LAMA2: variants seen among roughly 807,000 people sequenced by gnomAD.
LAMA2 encodes the protein laminin subunit alpha-2.
LAMA2 carries 269 observed loss-of-function variants against 364.8 expected under a neutral mutation model. The observed-to-expected ratio is 0.74, with a 90% CI of 0.67 to 0.82. The LOEUF (loss-of-function observed/expected upper bound fraction) is 0.82. Among genes scored for constraint, LAMA2 ranks in the 40% least tolerant of loss-of-function variants. The pLI is 0.00. For missense variants in LAMA2, 3,807 were observed against 3,873.2 expected (o/e 0.98, Z 0.45); for synonymous variants, 1,379 against 1,370.6 (o/e 1.01, Z -0.14).
chr6:128,987,388 G>A lies in LAMA2; in HGVS notation c.113-62530G>A, dbSNP rs541825607. 3.9e-5 allele frequency among the ~76,000 whole-genome samples: 6 copies of A among 151,990 alleles called. No individual in the cohort carries two copies. In the South Asian group the frequency reaches 6.2e-4, roughly 16 times the overall value. On this transcript the variant is annotated intron_variant, in intron 1 of 64. Coordinates refer to ENST00000421865, the MANE Select transcript of LAMA2 (RefSeq NM_000426.4). ...AAAGTCCTGACCTTGGGATCCAACCGCCTCGGCCTCCCAAACTGCTGGGAT... is the reference window on the plus strand; with the variant it reads ...AAAGTCCTGACCTTGGGATCCAACCACCTCGGCCTCCCAAACTGCTGGGAT...
chr6:128,887,547 T>C lies in LAMA2; in HGVS notation c.112+4190T>C, dbSNP rs572879494. Among the ~76,000 whole-genome samples, 16 of 152,232 alleles carry C rather than the reference T, an allele frequency of 1.1e-4. 1 individual carries two copies. In the South Asian group the frequency reaches 2.9e-3, roughly 28 times the overall value. ...AAGATTTTTCTACCCTAGGATTTCA[T>C]GCAAACTAATGAACTGAATCTATAT... On this transcript the variant is annotated intron_variant, in intron 1 of 64. Coordinates refer to ENST00000421865, the MANE Select transcript of LAMA2 (RefSeq NM_000426.4).
At chr6:129,248,785 A>G (rs1474862097) in intron 12 of LAMA2, among the ~76,000 whole-genome samples, 1 of 152,152 alleles carries the variant, frequency 6.6e-6, no homozygotes, top group African/African-American at 2.4e-5. Flanking sequence ...TGTGTAGCTG[A>G]TCTGAAGAAG....
intron 3 of LAMA2, among the ~76,000 whole-genome samples, chr6:129,073,233 G>A (rs185531508): frequency 9.9e-5 from 15 of 151,978 alleles, no homozygotes; most frequent in Admixed American, 7.9e-4. Context: ...TGAAGTAAGC[G>A]GAAAGTCTTA....
intron 1 of LAMA2, among the ~76,000 whole-genome samples, chr6:128,897,433 GA>G (rs1346832128): frequency 6.6e-6 from 1 of 152,104 alleles, no homozygotes; most frequent in Non-Finnish European, 1.5e-5. Context: ...AGCACTCCTA[GA>G]ATTGTTAACT....
chr6:129,133,857 G>C (rs78886700), intron 4 of LAMA2, among the ~76,000 whole-genome samples: 5,876 of 151,826 alleles, frequency 0.039, 387 homozygotes, highest in African/African-American at 0.13. Context: ...CACACACACA[G>C]AGACAATTCA....
intron 55 of LAMA2, among the ~76,000 whole-genome samples, chr6:129,485,742 A>G (rs1359488312): frequency 6.6e-6 from 1 of 152,162 alleles, no homozygotes. Context: ...AATTATTGGA[A>G]CATGATGATG....
chr6:128,926,608 T>C (rs2114502839), intron 1 of LAMA2, among the ~76,000 whole-genome samples: 1 of 152,328 alleles, frequency 6.6e-6, no homozygotes, highest in East Asian at 1.9e-4. Context: ...CACAGCTAAC[T>C]ATTATTTAAT....
chr6:129,194,453 T>C (rs1023867274), intron 12 of LAMA2, among the ~76,000 whole-genome samples: 5 of 152,140 alleles, frequency 3.3e-5, no homozygotes, highest in Admixed American at 3.3e-4. Flanking sequence ...AACAAAGAAT[T>C]TGGACATCCC....
At chr6:129,125,573 A>T (rs1481019025) in intron 4 of LAMA2, among the ~76,000 whole-genome samples, 1 of 152,176 alleles carries the variant, frequency 6.6e-6, no homozygotes, top group East Asian at 1.9e-4. Flanking sequence ...TCTTTGTTGG[A>T]TGTGAAAATA....
intron 22 of LAMA2, among the ~76,000 whole-genome samples, chr6:129,308,754 A>G (rs761910822): frequency 2.0e-5 from 3 of 152,206 alleles, no homozygotes; most frequent in Non-Finnish European, 4.4e-5. Context: ...TGGAGGGTGT[A>G]CAGGAAGCAT....
chr6:129,494,865 C>T (rs1785074915), intron 58 of LAMA2, among the ~76,000 whole-genome samples: 1 of 152,172 alleles, frequency 6.6e-6, no homozygotes, highest in African/African-American at 2.4e-5. Context: ...GTTTCTCAGA[C>T]TCATAAACAT....
chr6:129,121,995 T>C (rs1776828703), intron 4 of LAMA2, among the ~76,000 whole-genome samples: 1 of 152,200 alleles, frequency 6.6e-6, no homozygotes, highest in African/African-American at 2.4e-5. Flanking sequence ...ATGATGCCTA[T>C]TGCAAAATTA....
Position 129,473,241 on chromosome 6 carries a change from C to T in LAMA2, c.7328C>T (p.Thr2443Ile), listed in dbSNP as rs1783900380. Reference sequence around the variant, plus strand: ...AATATATCAATTGTAGATATAGATACTAATCAGGAGGAGAATATAGCAACT... The same window carrying T: ...AATATATCAATTGTAGATATAGATATTAATCAGGAGGAGAATATAGCAACT... ...QANISIVDID[T>I]NQEENIATSS... Residue 2443 changes from threonine to isoleucine, a missense_variant, in exon 52 of 65, where the codon ACT (threonine) becomes ATT (isoleucine). By Grantham distance (89) the Thr-to-Ile change is moderately conservative. Transcript: ENST00000421865. 2 of 1,602,802 alleles carry T rather than the reference C, an allele frequency of 1.2e-6. No individual in the cohort carries two copies.
intron 4 of LAMA2, among the ~76,000 whole-genome samples, chr6:129,103,876 A>T (rs1775669379): frequency 6.6e-6 from 1 of 152,138 alleles, no homozygotes; most frequent in Non-Finnish European, 1.5e-5. Flanking sequence ...CAGTATCTAA[A>T]TATTTACTGT....
At chr6:129,192,228 A>T (rs1358882272) in intron 11 of LAMA2, among the ~76,000 whole-genome samples, 1 of 152,374 alleles carries the variant, frequency 6.6e-6, no homozygotes, top group South Asian at 2.1e-4. Flanking sequence ...CCTCTGCATT[A>T]CAAATACATA....
In LAMA2 at chr6:129,402,613, T is replaced by C. The variant is rs1780045847; in HGVS notation, c.5726+126T>C. 9 of 951,364 alleles carry C rather than the reference T, an allele frequency of 9.5e-6. No homozygotes were observed. In the South Asian group the frequency reaches 1.1e-4, roughly 12 times the overall value. 58.9% of individuals were successfully genotyped at this position (951,364 alleles called of 1,614,324 possible). A position where few individuals can be genotyped will look rare whatever the true frequency, so the allele number is the denominator to read the frequency against. The stretch of plus-strand genomic sequence containing the variant: ...GTTAATTATGAACACACTAGCTATA[T>C]GGCCTTTCTGTGGATAGGCTTAATT... On this transcript the variant is annotated intron_variant, in intron 39 of 64. Transcript: ENST00000421865.
At chr6:129,406,569 G>T (rs1366167343) in intron 40 of LAMA2, among the ~76,000 whole-genome samples, 1 of 152,034 alleles carries the variant, frequency 6.6e-6, no homozygotes, top group Non-Finnish European at 1.5e-5. Context: ...GAATAAAAAT[G>T]GAATATGGAC....
chr6:129,154,849 G>A (rs2114976836), intron 8 of LAMA2, among the ~76,000 whole-genome samples, 166 bp downstream of exon 8: 1 of 152,292 alleles, frequency 6.6e-6, no homozygotes, highest in African/African-American at 2.4e-5. Flanking sequence ...AATCTTTGAG[G>A]ATGTAAGATA....
chr6:129,333,451 GA>G (rs1562469059), intron 29 of LAMA2, among the ~76,000 whole-genome samples: 1 of 152,076 alleles, frequency 6.6e-6, no homozygotes, highest in East Asian at 1.9e-4. Flanking sequence ...TTTCAATCAG[GA>G]TAAGATATTT....
Sources: gnomAD v4.1 joint callset for allele counts (sites outside exome capture counted in the v4.1 genomes callset) on GRCh38, gnomAD v4.1.1 for gene constraint, MANE v1.5 for transcripts, NCBI Gene and HGNC (gene_info 2026-07-23, HGNC 2026-07-21) for gene names.